VWF: variants seen among roughly 807,000 people sequenced by gnomAD.
The protein encoded by VWF is Factor VIII related antigen.
A neutral mutation model predicts 308.6 loss-of-function variants in VWF; 176 were observed. The ratio of observed to expected loss-of-function variants is 0.57; its 90% confidence interval spans 0.50 to 0.65. VWF has a LOEUF of 0.65. Ranked by LOEUF, VWF falls within the 30% of genes least tolerant of loss-of-function variation. The pLI is 0.00. For missense variants in VWF, 3,146 were observed against 3,648.2 expected (o/e 0.86, Z 3.55); for synonymous variants, 1,385 against 1,443.4 (o/e 0.96, Z 0.92).
intron 15 of VWF, 41 bp downstream of exon 15, chr12:6,056,816 G>C: frequency 7.5e-7 from 1 of 1,338,908 alleles, no homozygotes; most frequent in Middle Eastern, 2.8e-4. Flanking sequence ...GGACGGATTT[G>C]GGGGGCGGCC....
At chr12:6,094,997 A>T (rs972737426) in intron 6 of VWF, among the ~76,000 whole-genome samples, 1 of 147,706 alleles carries the variant, frequency 6.8e-6, no homozygotes, top group South Asian at 2.2e-4. Context: ...AGTAGCTGGG[A>T]CTACAGGCGC....
chr12:5,994,335 T>C, intron 36 of VWF, 80 bp downstream of exon 36: 2 of 1,597,818 alleles, frequency 1.3e-6, no homozygotes, highest in Non-Finnish European at 1.7e-6. Context: ...AATATAAGCA[T>C]CCAAGAGCCT....
At chr12:6,098,595 G>A (rs1444681148) in intron 5 of VWF, among the ~76,000 whole-genome samples, 5 of 151,798 alleles carry the variant, frequency 3.3e-5, no homozygotes, top group South Asian at 2.1e-4. Context: ...TGGCTAACAT[G>A]GTGAAACCCC....
chr12:6,083,436 G>A (rs568670835), intron 6 of VWF, among the ~76,000 whole-genome samples: 8 of 152,266 alleles, frequency 5.3e-5, no homozygotes, highest in Admixed American at 2.6e-4. Context: ...GTGGTGGCAC[G>A]TGCCTGTAGT....
chr12:6,038,639 ACCT>A (rs1944364016), intron 18 of VWF, among the ~76,000 whole-genome samples: 1 of 152,160 alleles, frequency 6.6e-6, no homozygotes, highest in African/African-American at 2.4e-5. Flanking sequence ...TGCAGCCGCC[ACCT>A]CCTCCTCCTT....
Position 6,103,633 on chromosome 12 carries a change from G to A in VWF, c.532+6741C>T, listed in dbSNP as rs905797618. 4.0e-5 allele frequency among the ~76,000 whole-genome samples: 6 copies of A among 151,012 alleles called. No individual in the cohort carries two copies. In the South Asian group the frequency reaches 1.0e-3, roughly 26 times the overall value. On this transcript the variant is annotated intron_variant, in intron 5 of 51. Transcript: ENST00000261405. ...CCAGAGATAGAGCCAGTTGATATTT[G>A]ACAAAGCTGACAAGAATATATACTA...
At chr12:6,032,601 G>A (rs1944279994) in intron 20 of VWF, among the ~76,000 whole-genome samples, 1 of 151,292 alleles carries the variant, frequency 6.6e-6, no homozygotes, top group Non-Finnish European at 1.5e-5. Context: ...TCGCACCACT[G>A]CACTCCAGCC....
At position 5,996,230 on chromosome 12, in the gene VWF, G is replaced by C. The variant is rs34444862; in HGVS notation, c.5843-8C>G. On this transcript the variant is annotated splice_polypyrimidine_tract_variant and splice_region_variant and intron_variant, in intron 34 of 51. Coordinates refer to ENST00000261405, the MANE Select transcript of VWF (RefSeq NM_000552.5). ...AGCTGCCTGTGCACACGCCTGGACAGAGAGAAGCAGAGGATGGATGCGACG... is the reference window on the plus strand; with the variant it reads ...AGCTGCCTGTGCACACGCCTGGACACAGAGAAGCAGAGGATGGATGCGACG... The C allele has an allele frequency of 0.019, 29,751 of 1,606,738 alleles. 336 individuals carry two copies. The highest frequency in any genetic ancestry group is 0.023 in the Non-Finnish European group (27,210 of 1,176,476).
In VWF at chr12:6,014,014, T is replaced by TGGGTTATCGTTGC. The variant is rs1944026291; in HGVS notation, c.5456-382_5456-370dup. On this transcript the variant is annotated intron_variant, in intron 31 of 51. Transcript: ENST00000261405. Reference sequence around the variant, plus strand: ...GATGAGAATGCCCAGGGCTGAGGTGTGGGTTATCGTTGCATATATGGCAGT... The same window carrying TGGGTTATCGTTGC: ...GATGAGAATGCCCAGGGCTGAGGTGTGGGTTATCGTTGCGGGTTATCGTTGCATATATGGCAGT... Among the ~76,000 whole-genome samples the TGGGTTATCGTTGC allele has an allele frequency of 2.0e-5, 3 of 152,090 alleles. 1 individual carries two copies. Among genetic ancestry groups the TGGGTTATCGTTGC allele is most frequent in the African/African-American group, 7.2e-5 (3 of 41,458 alleles).
At position 6,075,359 on chromosome 12, in the gene VWF, C is replaced by A; in HGVS notation, c.850G>T (p.Gly284Cys). The change falls in exon 7 of 52, where the codon GGC (glycine) becomes TGC (cysteine). Residue 284 changes from glycine (G) to cysteine (C), a missense_variant. Gly to Cys is a radical substitution (Grantham distance 159, BLOSUM62 -3). Coordinates refer to ENST00000261405, the MANE Select transcript of VWF (RefSeq NM_000552.5). The surrounding 1 kb of genome is among the most constrained non-coding windows in gnomAD (Gnocchi z 4.7). ...TCAQEGMVLY[G>C]WTDHSACSPV... Reference sequence around the variant, plus strand: ...CTGCACGCGCTGTGGTCGGTCCAGCCGTACAGCACCATTCCCTCCTGGGCA... The same window carrying A: ...CTGCACGCGCTGTGGTCGGTCCAGCAGTACAGCACCATTCCCTCCTGGGCA... 1 of 1,614,100 alleles carries A rather than the reference C, an allele frequency of 6.2e-7. No individual in the cohort carries two copies. Among genetic ancestry groups the A allele is most frequent in the Non-Finnish European group, 8.5e-7 (1 of 1,180,028 alleles).
chr12:6,016,806 A>T lies in VWF; in HGVS notation c.5118T>A (p.Tyr1706Ter). 1 of 1,614,114 alleles carries T rather than the reference A, an allele frequency of 6.2e-7. No homozygotes were observed. Among genetic ancestry groups the T allele is most frequent in the Non-Finnish European group, 8.5e-7 (1 of 1,180,044 alleles). Residue 1706 changes from tyrosine to a stop codon, truncating the protein, a stop_gained, in exon 29 of 52, where the codon TAT (tyrosine) becomes TAA (stop). Transcript: ENST00000261405. LOFTEE classifies it high-confidence loss of function. Reference sequence around the variant, plus strand: ...TGGCGAAACTCTTCATTTCATCAAAATAAGAAGCTGGGAAACTGGAGGAGC... The same window carrying T: ...TGGCGAAACTCTTCATTTCATCAAATTAAGAAGCTGGGAAACTGGAGGAGC... The part of the protein sequence containing the change: ...LDGSSSFPAS[Y>*]FDEMKSFAKA...
chr12:6,051,968 G>A (rs1944518940), intron 16 of VWF, among the ~76,000 whole-genome samples: 1 of 152,134 alleles, frequency 6.6e-6, no homozygotes, highest in Non-Finnish European at 1.5e-5. Flanking sequence ...CAGGTGACAG[G>A]TAAGTGTTTG....
intron 19 of VWF, 144 bp downstream of exon 19, chr12:6,036,244 G>C: frequency 1.4e-6 from 1 of 720,570 alleles, no homozygotes; most frequent in Non-Finnish European, 2.5e-6. Context: ...TACAGATGGA[G>C]AAACACAGGC....
At chr12:5,972,464 G>A (rs188784520) in intron 43 of VWF, among the ~76,000 whole-genome samples, 1 of 152,320 alleles carries the variant, frequency 6.6e-6, no homozygotes, top group Non-Finnish European at 1.5e-5. Flanking sequence ...CCAGGACTAC[G>A]TTCCATCTTG....
intron 6 of VWF, among the ~76,000 whole-genome samples, chr12:6,078,791 A>C (rs1490620002): frequency 1.3e-5 from 2 of 152,052 alleles, no homozygotes; most frequent in Non-Finnish European, 1.5e-5. Context: ...CAGAGCCGTG[A>C]CCAGACAGAG....
At chr12:6,010,265 C>T (rs147056770) in intron 34 of VWF, among the ~76,000 whole-genome samples, 18 of 152,230 alleles carry the variant, frequency 1.2e-4, no homozygotes, top group African/African-American at 4.1e-4. Flanking sequence ...ATTTCAAGTA[C>T]ACTGAGATAC....
intron 6 of VWF, among the ~76,000 whole-genome samples, chr12:6,087,522 C>G (rs1944986446): frequency 1.4e-5 from 2 of 140,750 alleles, no homozygotes; most frequent in Admixed American, 7.0e-5. Flanking sequence ...CCACGCCCGG[C>G]TAATTTTTTT....
At position 5,981,543 on chromosome 12, in the gene VWF, A is replaced by G. The variant is rs114652591; in HGVS notation, c.7287+243T>C. ...ACAAGAAATGCCTCCTGAGTTAACT[A>G]AATTTCCACTCAGGCTGAGCTGGAA... On this transcript the variant is annotated intron_variant, in intron 42 of 51. Coordinates refer to ENST00000261405, the MANE Select transcript of VWF (RefSeq NM_000552.5). 6.2e-3 allele frequency among the ~76,000 whole-genome samples: 948 copies of G among 152,300 alleles called. 10 individuals are homozygous for G. The highest frequency in any genetic ancestry group is 0.021 in the African/African-American group (893 of 41,554).
intron 6 of VWF, among the ~76,000 whole-genome samples, chr12:6,084,930 C>T (rs768244519): frequency 2.6e-5 from 4 of 152,172 alleles, no homozygotes; most frequent in East Asian, 1.9e-4. Flanking sequence ...GATTCCCACC[C>T]GCATTCCAAG....
Sources: allele counts gnomAD v4.1 joint callset (sites outside exome capture counted in the v4.1 genomes callset), GRCh38; gene constraint gnomAD v4.1.1; non-coding constraint Gnocchi (gnomAD v3.1); transcripts MANE v1.5; gene names NCBI Gene and HGNC (gene_info 2026-07-23, HGNC 2026-07-21).